CA10: variants seen among roughly 807,000 people sequenced by gnomAD.
CA10 encodes the protein carbonic anhydrase-related protein 10.
A neutral mutation model predicts 44.2 loss-of-function variants in CA10; 14 were observed. The ratio of observed to expected loss-of-function variants is 0.32; its 90% confidence interval spans 0.21 to 0.50. The LOEUF (loss-of-function observed/expected upper bound fraction) is 0.50. CA10 is among the 20% of genes least tolerant of loss of function. The pLI is 0.99. For missense variants in CA10, 350 were observed against 409.7 expected, an observed-to-expected ratio of 0.85 and a Z score of 1.26; for synonymous variants, 159 against 141.6, an observed-to-expected ratio of 1.12 and a Z score of -0.87.
intron 3 of CA10, among the ~76,000 whole-genome samples, chr17:51,868,904 T>C (rs1979678362): frequency 6.6e-6 from 1 of 150,914 alleles, no homozygotes; most frequent in Non-Finnish European, 1.5e-5. Context: ...TTTTTTTTTT[T>C]ACAAAAGATG....
chr17:52,042,084 G>T (rs1363803633), intron 2 of CA10, among the ~76,000 whole-genome samples: 3 of 152,052 alleles, frequency 2.0e-5, no homozygotes, highest in African/African-American at 4.8e-5. Flanking sequence ...TAGAGATACT[G>T]ATGTCATTTC....
intron 2 of CA10, among the ~76,000 whole-genome samples, chr17:51,981,823 T>C (rs1189802060): frequency 6.6e-6 from 1 of 152,026 alleles, no homozygotes; most frequent in Non-Finnish European, 1.5e-5. Context: ...AGTACTGAAA[T>C]TGGTCAGAAC....
intron 4 of CA10, among the ~76,000 whole-genome samples, chr17:51,721,288 T>C (rs62061773): frequency 0.65 from 99,200 of 152,088 alleles, 32,583 homozygotes; most frequent in Admixed American, 0.73. Context: ...ACTGAGATCA[T>C]GCCATTGCAC....
At chr17:51,972,125 T>C (rs1984301764) in intron 2 of CA10, among the ~76,000 whole-genome samples, 3 of 151,962 alleles carry the variant, frequency 2.0e-5, no homozygotes, top group Admixed American at 1.3e-4. Flanking sequence ...ATGTGAGTTA[T>C]ATAAGGGAAG....
At chr17:51,882,908 C>G (rs1980439553) in intron 3 of CA10, among the ~76,000 whole-genome samples, 1 of 152,304 alleles carries the variant, frequency 6.6e-6, no homozygotes, top group Non-Finnish European at 1.5e-5. Flanking sequence ...TGGCACTTCT[C>G]TCTTGAAAAA....
At chr17:51,710,628 T>G (rs1915907929) in intron 4 of CA10, among the ~76,000 whole-genome samples, 1 of 152,050 alleles carries the variant, frequency 6.6e-6, no homozygotes. Context: ...GAAGAGTGAT[T>G]AAAGGAGAAA....
intron 3 of CA10, among the ~76,000 whole-genome samples, chr17:51,910,538 C>A (rs1051201312): frequency 1.3e-5 from 2 of 152,134 alleles, no homozygotes; most frequent in African/African-American, 2.4e-5. Flanking sequence ...AGATTAAAGA[C>A]AAATTCAGAT....
chr17:52,015,316 A>G (rs942347298), intron 2 of CA10, among the ~76,000 whole-genome samples: 13 of 152,108 alleles, frequency 8.5e-5, no homozygotes, highest in Non-Finnish European at 1.6e-4. Flanking sequence ...GACTTGATGT[A>G]AGTTGCATGG....
intron 4 of CA10, among the ~76,000 whole-genome samples, chr17:51,730,874 G>GACTGTTAAA (rs1451064516): frequency 1.3e-5 from 2 of 148,728 alleles, no homozygotes; most frequent in African/African-American, 5.0e-5. Context: ...CTACATCTGG[G>GACTGTTAAA]ACTGTTAAAA....
intron 2 of CA10, among the ~76,000 whole-genome samples, chr17:52,063,391 G>A (rs1598194758): frequency 6.6e-6 from 1 of 152,152 alleles, no homozygotes; most frequent in Non-Finnish European, 1.5e-5. Context: ...AAGGATGTGA[G>A]GCATGGAGAG....
At chr17:51,926,405 A>G (rs1022174826) in intron 3 of CA10, among the ~76,000 whole-genome samples, 1 of 152,246 alleles carries the variant, frequency 6.6e-6, no homozygotes, top group Non-Finnish European at 1.5e-5. Context: ...GTAAACCAGT[A>G]TAATCTTTAT....
intron 4 of CA10, among the ~76,000 whole-genome samples, chr17:51,659,312 A>C (rs1913913836): frequency 6.6e-6 from 1 of 152,148 alleles, no homozygotes; most frequent in Admixed American, 6.5e-5. Context: ...TCTGGGACTT[A>C]CACTAGCGAC....
At chr17:51,818,993 A>T (rs1287376848) in intron 3 of CA10, among the ~76,000 whole-genome samples, 1 of 152,162 alleles carries the variant, frequency 6.6e-6, no homozygotes, top group African/African-American at 2.4e-5. Flanking sequence ...CCTCCTTTGT[A>T]CAATTTACTC....
chr17:51,911,505 C>T (rs993918972), intron 3 of CA10, among the ~76,000 whole-genome samples: 8 of 152,054 alleles, frequency 5.3e-5, no homozygotes, highest in African/African-American at 1.9e-4. Flanking sequence ...TTCTGTATTG[C>T]AATAGGCCCT....
chr17:51,938,264 G>T (rs1982941770), intron 2 of CA10, among the ~76,000 whole-genome samples: 1 of 152,064 alleles, frequency 6.6e-6, no homozygotes, highest in African/African-American at 2.4e-5. Flanking sequence ...TAAAACATTG[G>T]AGAAGGGGTT....
chr17:52,031,064 T>C (rs1986451457), intron 2 of CA10, among the ~76,000 whole-genome samples: 1 of 152,158 alleles, frequency 6.6e-6, no homozygotes, highest in African/African-American at 2.4e-5. Flanking sequence ...ATTCTGCCTC[T>C]CTGGAGAACC....
At chr17:51,637,682 GTC>G (rs1373590134) in intron 6 of CA10, among the ~76,000 whole-genome samples, 1 of 152,340 alleles carries the variant, frequency 6.6e-6, no homozygotes, top group East Asian at 1.9e-4. Context: ...AATAAAATGA[GTC>G]AGGCAGATAG....
At chr17:51,900,036 T>C (rs1422422580) in intron 3 of CA10, among the ~76,000 whole-genome samples, 1 of 151,996 alleles carries the variant, frequency 6.6e-6, no homozygotes, top group Non-Finnish European at 1.5e-5. Flanking sequence ...CCTGTTTACA[T>C]TCAATTTTGA....
chr17:51,831,733 A>AGCAGCAGCAGCCGCCGCCGCCGCCGC (rs1567854687), intron 3 of CA10, among the ~76,000 whole-genome samples: 1 of 121,522 alleles, frequency 8.2e-6, no homozygotes, highest in African/African-American at 4.1e-5. Context: ...GCAGCAGCAG[A>AGCAGCAGCAGCCGCCGCCGCCGCCGC]AAAAGACCTT....
Sources: allele counts gnomAD v4.1 joint callset (sites outside exome capture counted in the v4.1 genomes callset), GRCh38; gene constraint gnomAD v4.1.1; transcripts MANE v1.5; gene names NCBI Gene and HGNC (gene_info 2026-07-23, HGNC 2026-07-21).